Variants in VEPH1 observed in about 807,000 individuals in gnomAD.
The protein encoded by VEPH1 is ventricular zone-expressed PH domain-containing protein homolog 1.
In VEPH1, 80 loss-of-function variants were observed where a neutral mutation model predicts 85.2. That is an observed-to-expected ratio of 0.94 (90% CI 0.78 to 1.13). VEPH1 has a LOEUF of 1.13. Ranked by LOEUF, VEPH1 falls within the 50% of genes most tolerant of loss-of-function variation. VEPH1 has a pLI of 0.00. For synonymous variants in VEPH1, 297 were observed against 348.0 expected, an observed-to-expected ratio of 0.85 and a Z score of 1.63; for missense variants, 955 against 980.5, an observed-to-expected ratio of 0.97 and a Z score of 0.35.
At chr3:157,437,812 G>A in intron 4 of VEPH1, 2 of 1,462,844 alleles carry the variant, frequency 1.4e-6, no homozygotes, top group South Asian at 1.4e-5. Context: ...GCGCCCAGAG[G>A]AGGCGGGGCG....
intron 11 of VEPH1, among the ~76,000 whole-genome samples, chr3:157,311,676 G>A (rs1161550028): frequency 6.6e-6 from 1 of 152,128 alleles, no homozygotes; most frequent in East Asian, 1.9e-4. Context: ...GTATACTTGT[G>A]AGTATGCACA....
intron 9 of VEPH1, among the ~76,000 whole-genome samples, chr3:157,324,699 A>G (rs1286185434): frequency 6.6e-6 from 1 of 151,402 alleles, no homozygotes; most frequent in Non-Finnish European, 1.5e-5. Flanking sequence ...ATAGTGTTCC[A>G]TGGTGTATAT....
intron 9 of VEPH1, among the ~76,000 whole-genome samples, chr3:157,340,207 G>A (rs567325673): frequency 2.6e-5 from 4 of 152,322 alleles, no homozygotes; most frequent in African/African-American, 9.6e-5. Context: ...CTGAGTGTGA[G>A]CCAAAGCAGG....
chr3:157,436,727 C>A, intron 4 of VEPH1: 1 of 360,318 alleles, frequency 2.8e-6, no homozygotes, highest in Non-Finnish European at 5.2e-6. Context: ...CGCTCTCCCA[C>A]CCAGCCCCCT....
At chr3:157,452,834 A>G (rs532091163) in intron 4 of VEPH1, among the ~76,000 whole-genome samples, 39 of 152,160 alleles carry the variant, frequency 2.6e-4, no homozygotes, top group Non-Finnish European at 5.4e-4. Flanking sequence ...TATAGTGGAC[A>G]TTTGTGTTCT....
chr3:157,313,530 G>A, intron 11 of VEPH1, 91 bp downstream of exon 11: 2 of 1,418,770 alleles, frequency 1.4e-6, no homozygotes, highest in East Asian at 2.3e-5. Context: ...AACGAAAGAA[G>A]GATGAAATTT....
chr3:157,302,282 C>T (rs1357852894), intron 11 of VEPH1, among the ~76,000 whole-genome samples: 1 of 152,146 alleles, frequency 6.6e-6, no homozygotes, highest in African/African-American at 2.4e-5. Context: ...ACTTTTGTCC[C>T]TTTCCAATCT....
chr3:157,399,815 T>G (rs1049602047), intron 6 of VEPH1, among the ~76,000 whole-genome samples: 2 of 152,128 alleles, frequency 1.3e-5, no homozygotes, highest in African/African-American at 2.4e-5. Flanking sequence ...ATATTTTTTT[T>G]TGTGGAACAA....
intron 4 of VEPH1, chr3:157,459,773 A>T: frequency 1.4e-6 from 2 of 1,463,384 alleles, no homozygotes; most frequent in Non-Finnish European, 1.8e-6. Context: ...GATGTATTTT[A>T]TCTAACAAAA....
At chr3:157,266,966 G>T (rs1713731846) in intron 12 of VEPH1, among the ~76,000 whole-genome samples, 1 of 151,992 alleles carries the variant, frequency 6.6e-6, no homozygotes, top group Non-Finnish European at 1.5e-5. Context: ...CCTGCCTTTT[G>T]TACACTACCA....
intron 9 of VEPH1, among the ~76,000 whole-genome samples, chr3:157,326,792 G>T (rs9917781): frequency 0.023 from 3,514 of 152,258 alleles, 127 homozygotes; most frequent in African/African-American, 0.081. Context: ...ATGGGCAATG[G>T]TCACCGCTGA....
At chr3:157,375,980 T>A (rs972934251) in intron 7 of VEPH1, among the ~76,000 whole-genome samples, 1 of 152,208 alleles carries the variant, frequency 6.6e-6, no homozygotes, top group Non-Finnish European at 1.5e-5. Context: ...CCCATGACTT[T>A]CACGGCTTTG....
chr3:157,472,657 T>C (rs1267484096), intron 2 of VEPH1, among the ~76,000 whole-genome samples: 1 of 152,150 alleles, frequency 6.6e-6, no homozygotes, highest in Non-Finnish European at 1.5e-5. Context: ...TTTTTCTGAT[T>C]CTCTCCTTCC....
intron 9 of VEPH1, among the ~76,000 whole-genome samples, chr3:157,330,448 C>T (rs1338450422): frequency 6.6e-6 from 1 of 152,228 alleles, no homozygotes; most frequent in Non-Finnish European, 1.5e-5. Flanking sequence ...GGGCCTTCCA[C>T]ATTCATGAAC....
chr3:157,389,640 TA>T (rs915943142), intron 6 of VEPH1, among the ~76,000 whole-genome samples: 3 of 67,928 alleles, frequency 4.4e-5, no homozygotes, highest in African/African-American at 2.1e-4. Flanking sequence ...GATAGATAGA[TA>T]GATAGATAGA....
chr3:157,347,807 C>T (rs1243692035), intron 9 of VEPH1, among the ~76,000 whole-genome samples: 1 of 152,218 alleles, frequency 6.6e-6, no homozygotes, highest in East Asian at 1.9e-4. Context: ...TCCTACAGTC[C>T]TCTCAAACCC....
intron 2 of VEPH1, among the ~76,000 whole-genome samples, chr3:157,471,584 G>A (rs141736261): frequency 2.6e-5 from 4 of 152,202 alleles, no homozygotes; most frequent in East Asian, 1.9e-4. Flanking sequence ...GTATCTTATC[G>A]CTGTTTTGCT....
intron 12 of VEPH1, among the ~76,000 whole-genome samples, chr3:157,268,677 A>G (rs577818890): frequency 1.3e-5 from 2 of 152,334 alleles, no homozygotes; most frequent in African/African-American, 2.4e-5. Flanking sequence ...CACTAGGTAA[A>G]TAGCAAAGCA....
At chr3:157,313,962 T>G (rs945324771) in intron 10 of VEPH1, among the ~76,000 whole-genome samples, 6 of 152,114 alleles carry the variant, frequency 3.9e-5, no homozygotes, top group Admixed American at 3.3e-4. Flanking sequence ...TTTGGGATAC[T>G]GAGGCGGGAG....
Sources: gnomAD v4.1 joint callset for allele counts (sites outside exome capture counted in the v4.1 genomes callset) on GRCh38, gnomAD v4.1.1 for gene constraint, MANE v1.5 for transcripts, NCBI Gene and HGNC (gene_info 2026-07-23, HGNC 2026-07-21) for gene names.